SLC41A2: variants seen among roughly 807,000 people sequenced by gnomAD.
SLC41A2 encodes the protein SLC41A1-like 1.
In SLC41A2, 32 loss-of-function variants were observed where a neutral mutation model predicts 58.3. The observed-to-expected ratio is 0.55, with a 90% CI of 0.41 to 0.74. The LOEUF (loss-of-function observed/expected upper bound fraction) is 0.74. Among genes scored for constraint, SLC41A2 ranks in the 30% least tolerant of loss-of-function variants. The pLI is 0.00. For synonymous variants in SLC41A2, 190 were observed against 235.0 expected, an observed-to-expected ratio of 0.81 and a Z score of 1.75; for missense variants, 514 against 680.6, an observed-to-expected ratio of 0.76 and a Z score of 2.72.
At chr12:104,919,374 G>C (rs569855755) in intron 2 of SLC41A2, among the ~76,000 whole-genome samples, 1 of 152,208 alleles carries the variant, frequency 6.6e-6, no homozygotes, top group Non-Finnish European at 1.5e-5. Context: ...GAATGCAGTT[G>C]CTATGTCACA....
intron 2 of SLC41A2, among the ~76,000 whole-genome samples, chr12:104,925,866 A>C (rs1304973602): frequency 2.0e-5 from 3 of 152,180 alleles, no homozygotes; most frequent in Non-Finnish European, 4.4e-5. Context: ...AATCCAAACC[A>C]AAACCAGCCT....
intron 1 of SLC41A2, among the ~76,000 whole-genome samples, chr12:104,931,264 T>G (rs1037588445): frequency 2.0e-5 from 3 of 152,234 alleles, no homozygotes; most frequent in Non-Finnish European, 2.9e-5. Context: ...CTCAGCATCT[T>G]TTCCCAATTC....
intron 1 of SLC41A2, among the ~76,000 whole-genome samples, chr12:104,935,667 C>T (rs772517706): frequency 3.9e-5 from 6 of 152,268 alleles, no homozygotes; most frequent in Admixed American, 2.0e-4. Flanking sequence ...ACTACAGTCA[C>T]GTACTGCCTA....
rs1471191957 is a variant in SLC41A2, at chr12:104,866,373, G to GACGTACACAC, written c.1175+58_1175+59insGTGTGTACGT. On this transcript the variant is annotated intron_variant, in intron 7 of 10. Coordinates refer to ENST00000258538, the MANE Select transcript of SLC41A2 (RefSeq NM_001352171.3). ...TGCTTATAGAAGACACACAAAGACA[G>GACGTACACAC]ACAGACGTACACACACACACACACA... 240 of 1,436,428 alleles carry GACGTACACAC rather than the reference G, an allele frequency of 1.7e-4. No homozygotes were observed. The African/African-American group carries it at 3.9e-3, about 23-fold the overall frequency. The allele number at this position is 1,436,428 out of a possible 1,614,324, so 89.0% of individuals were successfully genotyped here.
chr12:104,853,483 A>G (rs190759881), intron 8 of SLC41A2, among the ~76,000 whole-genome samples: 1 of 152,260 alleles, frequency 6.6e-6, no homozygotes, highest in Non-Finnish European at 1.5e-5. Flanking sequence ...AAGATGGAGG[A>G]GAAATATTTT....
intron 1 of SLC41A2, among the ~76,000 whole-genome samples, chr12:104,932,971 G>A (rs1283613551): frequency 6.6e-6 from 1 of 152,012 alleles, no homozygotes; most frequent in African/African-American, 2.4e-5. Context: ...GGACATTGGT[G>A]TAGGCAAAGA....
chr12:104,903,265 GT>G (rs978925214), intron 3 of SLC41A2, among the ~76,000 whole-genome samples: 1 of 152,128 alleles, frequency 6.6e-6, no homozygotes, highest in African/African-American at 2.4e-5. Flanking sequence ...AAAATAATCT[GT>G]TAAAAAATAT....
chr12:104,857,787 T>C (rs1322924804), intron 8 of SLC41A2, among the ~76,000 whole-genome samples: 4 of 132,744 alleles, frequency 3.0e-5, no homozygotes, highest in African/African-American at 8.7e-5. Context: ...TTCTCACTCA[T>C]AGGAATTGAA....
intron 10 of SLC41A2, among the ~76,000 whole-genome samples, chr12:104,807,325 C>T (rs1220690096): frequency 3.9e-5 from 6 of 152,156 alleles, no homozygotes; most frequent in Non-Finnish European, 8.8e-5. Flanking sequence ...AATAGGGAAT[C>T]CTTTCCCCAT....
chr12:104,822,969 T>C (rs2041697648), intron 10 of SLC41A2, among the ~76,000 whole-genome samples: 1 of 152,160 alleles, frequency 6.6e-6, no homozygotes, highest in Non-Finnish European at 1.5e-5. Flanking sequence ...AAAAGAATTT[T>C]GTTTTGACAT....
At chr12:104,864,884 G>A (rs931909098) in intron 7 of SLC41A2, among the ~76,000 whole-genome samples, 5 of 152,102 alleles carry the variant, frequency 3.3e-5, no homozygotes, top group Non-Finnish European at 7.4e-5. Context: ...TTTTCTGAAA[G>A]TACTGATGGT....
chr12:104,807,406 T>C (rs2040962788), intron 10 of SLC41A2, among the ~76,000 whole-genome samples: 1 of 152,230 alleles, frequency 6.6e-6, no homozygotes, highest in African/African-American at 2.4e-5. Flanking sequence ...GAGGGCTCTG[T>C]TCTGTTCCAT....
At position 104,801,801 on chromosome 12, in the gene SLC41A2, T is replaced by G. The variant is rs2040721506; in HGVS notation, c.*3351A>C. 6.6e-6 allele frequency among the ~76,000 whole-genome samples: 1 copy of G among 152,154 alleles called. No homozygotes were observed. Among genetic ancestry groups the G allele is most frequent in the South Asian group, 2.1e-4 (1 of 4,830 alleles). On this transcript the variant is annotated 3_prime_UTR_variant, in exon 11 of 11. Coordinates refer to ENST00000258538, the MANE Select transcript of SLC41A2 (RefSeq NM_001352171.3). ...TAAAGCAATGCATTGGAGGTCTAGA[T>G]ATGGTCAAAGCCCAATTTATTATAA...
intron 10 of SLC41A2, among the ~76,000 whole-genome samples, chr12:104,842,645 G>A (rs1286649230): frequency 6.6e-6 from 1 of 152,078 alleles, no homozygotes; most frequent in East Asian, 1.9e-4. Flanking sequence ...GGGTAACTGA[G>A]ACACAGAGAG....
intron 1 of SLC41A2, among the ~76,000 whole-genome samples, chr12:104,950,134 G>T (rs1212223435): frequency 1.3e-5 from 2 of 152,166 alleles, no homozygotes; most frequent in African/African-American, 4.8e-5. Context: ...AAATGAGGAA[G>T]AATAAATAAC....
intron 1 of SLC41A2, among the ~76,000 whole-genome samples, chr12:104,947,601 CATTAA>C (rs548864261): frequency 6.3e-4 from 96 of 152,024 alleles, no homozygotes; most frequent in African/African-American, 2.2e-3. Flanking sequence ...TCCTATTTTT[CATTAA>C]ATTAAATTGC....
At chr12:104,939,728 T>A (rs1330085653) in intron 1 of SLC41A2, among the ~76,000 whole-genome samples, 1 of 152,026 alleles carries the variant, frequency 6.6e-6, no homozygotes. Flanking sequence ...GTTTAACATT[T>A]TGTTTTCTTC....
chr12:104,881,093 T>G (rs1196454789), intron 6 of SLC41A2, among the ~76,000 whole-genome samples: 1 of 152,210 alleles, frequency 6.6e-6, no homozygotes, highest in Non-Finnish European at 1.5e-5. Context: ...ATTTTCTAGT[T>G]TATTTGCGTA....
At chr12:104,945,595 T>C (rs1379989181) in intron 1 of SLC41A2, among the ~76,000 whole-genome samples, 3 of 147,462 alleles carry the variant, frequency 2.0e-5, no homozygotes, top group Admixed American at 6.8e-5. Flanking sequence ...TTGGTATATA[T>C]AAATTTACTA....
Sources: gnomAD v4.1 joint callset for allele counts (sites outside exome capture counted in the v4.1 genomes callset) on GRCh38, gnomAD v4.1.1 for gene constraint, MANE v1.5 for transcripts, NCBI Gene and HGNC (gene_info 2026-07-23, HGNC 2026-07-21) for gene names.